Variants in OR2L13 observed in about 807,000 individuals in gnomAD.
OR2L13 encodes the protein olfactory receptor family 2 subfamily L member 13, also known as olfactory receptor 2L13.
OR2L13 carries 14 observed loss-of-function variants against 15.3 expected under a neutral mutation model. The ratio of observed to expected loss-of-function variants is 0.91; its 90% CI spans 0.60 to 1.43. The LOEUF (loss-of-function observed/expected upper bound fraction) is 1.43. Ranked by LOEUF, OR2L13 falls within the 40% of genes most tolerant of loss-of-function variation. The probability of loss-of-function intolerance (pLI) is 0.00; values close to 1 mark genes in which losing one functional copy is unlikely to be tolerated. For missense variants in OR2L13, 367 were observed against 387.9 expected, an observed-to-expected ratio of 0.95 and a Z score of 0.45; for synonymous variants, 152 against 142.9, an observed-to-expected ratio of 1.06 and a Z score of -0.45.
the OR2L13 span, among the ~76,000 whole-genome samples, chr1:247,958,712 C>G: frequency 6.6e-6 from 1 of 151,880 alleles, no homozygotes; most frequent in Non-Finnish European, 1.5e-5. Flanking sequence ...TTCTTTGTCT[C>G]TTTTGATCTT....
At chr1:247,942,211 G>A in the OR2L13 span, among the ~76,000 whole-genome samples, 15 of 152,240 alleles carry the variant, frequency 9.9e-5, no homozygotes, top group South Asian at 3.1e-3. Flanking sequence ...ACTTTTAGTA[G>A]AAGCATACAG....
the OR2L13 span, among the ~76,000 whole-genome samples, chr1:248,008,963 G>T: frequency 6.6e-6 from 1 of 152,118 alleles, no homozygotes; most frequent in Non-Finnish European, 1.5e-5. Flanking sequence ...AATTAAAGCA[G>T]AAATAAATAA....
the OR2L13 span, among the ~76,000 whole-genome samples, chr1:248,081,483 T>C: frequency 6.6e-6 from 1 of 152,188 alleles, no homozygotes; most frequent in Non-Finnish European, 1.5e-5. Flanking sequence ...ATAGGCCTCA[T>C]TTACCATTTT....
At chr1:248,078,903 C>T in the OR2L13 span, among the ~76,000 whole-genome samples, 1 of 152,098 alleles carries the variant, frequency 6.6e-6, no homozygotes. Flanking sequence ...TGTTTTATAT[C>T]TATATCTGTA....
At chr1:248,035,056 T>C in the OR2L13 span, among the ~76,000 whole-genome samples, 26 of 152,060 alleles carry the variant, frequency 1.7e-4, no homozygotes, top group Admixed American at 1.7e-3. Flanking sequence ...TTCCCTTTTT[T>C]TTTTTTTTTG....
the OR2L13 span, among the ~76,000 whole-genome samples, chr1:248,054,128 T>C: frequency 6.6e-6 from 1 of 152,176 alleles, no homozygotes; most frequent in Non-Finnish European, 1.5e-5. Flanking sequence ...TTGAGTTAAT[T>C]TTTGTGTAAG....
the OR2L13 span, chr1:248,022,330 C>G: frequency 6.2e-7 from 1 of 1,614,154 alleles, no homozygotes; most frequent in Middle Eastern, 1.6e-4. Context: ...ATTTGCTTTC[C>G]TCTCCACTAT....
chr1:248,020,750 T>A, the OR2L13 span, among the ~76,000 whole-genome samples: 4 of 152,212 alleles, frequency 2.6e-5, no homozygotes, highest in Admixed American at 6.5e-5. Flanking sequence ...AAAGTTTGAC[T>A]TGGAATTATT....
chr1:248,077,510 A>G, the OR2L13 span, among the ~76,000 whole-genome samples: 1 of 152,168 alleles, frequency 6.6e-6, no homozygotes, highest in Non-Finnish European at 1.5e-5. Flanking sequence ...TATTGCCTCA[A>G]TTTCAGAGCC....
the OR2L13 span, among the ~76,000 whole-genome samples, chr1:248,065,856 G>T: frequency 4.0e-5 from 6 of 151,848 alleles, no homozygotes; most frequent in Non-Finnish European, 5.9e-5. Context: ...AGAAATTTTG[G>T]TTAACATTGG....
At chr1:248,014,298 A>T in the OR2L13 span, among the ~76,000 whole-genome samples, 119 of 152,242 alleles carry the variant, frequency 7.8e-4, no homozygotes, top group African/African-American at 2.7e-3. Context: ...GAGAGTGGTT[A>T]AAATTACCAG....
chr1:247,945,077 C>G, the OR2L13 span, among the ~76,000 whole-genome samples: 3 of 151,678 alleles, frequency 2.0e-5, no homozygotes, highest in East Asian at 5.8e-4. Context: ...CTTGGTTCTC[C>G]AGTTCTTTCA....
the OR2L13 span, among the ~76,000 whole-genome samples, chr1:248,018,930 G>T: frequency 6.6e-6 from 1 of 152,076 alleles, no homozygotes; most frequent in African/African-American, 2.4e-5. Flanking sequence ...ATTTCACTTT[G>T]CATAATGTAA....
At chr1:247,975,658 A>G in the OR2L13 span, 6 of 1,111,398 alleles carry the variant, frequency 5.4e-6, no homozygotes, top group Non-Finnish European at 8.1e-6. Flanking sequence ...TGTGAAGATG[A>G]AGACAAACTT....
the OR2L13 span, chr1:248,003,213 T>C: frequency 1.3e-6 from 2 of 1,518,044 alleles, no homozygotes; most frequent in African/African-American, 2.8e-5. Flanking sequence ...TTCCTCTTCA[T>C]CCTCATTGTT....
the OR2L13 span, among the ~76,000 whole-genome samples, chr1:247,986,765 G>C: frequency 3.9e-5 from 6 of 152,082 alleles, no homozygotes; most frequent in Admixed American, 6.5e-5. Flanking sequence ...TCTTCCATTT[G>C]TTTGTATCCT....
the OR2L13 span, chr1:247,965,556 C>A: frequency 6.2e-7 from 1 of 1,609,078 alleles, no homozygotes; most frequent in Non-Finnish European, 8.5e-7. Flanking sequence ...CTCCAATGTA[C>A]TTTCTGCTCA....
At chr1:248,044,831 A>C in the OR2L13 span, among the ~76,000 whole-genome samples, 8 of 83,568 alleles carry the variant, frequency 9.6e-5, 1 homozygote, top group Admixed American at 5.5e-4. Context: ...AAAAAAAAAA[A>C]AAAAAAAACG....
At chr1:248,066,051 T>C in the OR2L13 span, among the ~76,000 whole-genome samples, 1 of 152,180 alleles carries the variant, frequency 6.6e-6, no homozygotes, top group Non-Finnish European at 1.5e-5. Context: ...AATTAACCCT[T>C]ATTTTTCACT....
Sources: gnomAD v4.1 joint callset for allele counts (sites outside exome capture counted in the v4.1 genomes callset) on GRCh38, gnomAD v4.1.1 for gene constraint, MANE v1.5 for transcripts, NCBI Gene and HGNC (gene_info 2026-07-23, HGNC 2026-07-21) for gene names.